Variants in AUTS2 observed in about 807,000 individuals in gnomAD.
The protein encoded by AUTS2 is autism susceptibility gene 2 protein.
AUTS2 carries 17 observed loss-of-function variants against 112.4 expected under a neutral mutation model. The ratio of observed to expected loss-of-function variants is 0.15; its 90% confidence interval spans 0.10 to 0.23. The LOEUF (loss-of-function observed/expected upper bound fraction) is 0.23, where lower values mean the gene tolerates loss of function less well. Ranked by LOEUF, AUTS2 falls within the 10% of genes least tolerant of loss-of-function variation. AUTS2 has a pLI of 1.00. For missense variants in AUTS2, 1,510 were observed against 1,701.6 expected (o/e 0.89, Z 1.98); for synonymous variants, 751 against 702.7 (o/e 1.07, Z -1.09).
chr7:70,380,082 TATTG>T (rs1793299631), intron 4 of AUTS2, among the ~76,000 whole-genome samples: 1 of 152,198 alleles, frequency 6.6e-6, no homozygotes, highest in African/African-American at 2.4e-5. Context: ...GATCAGTATA[TATTG>T]ATTATTTGAT....
intron 5 of AUTS2, among the ~76,000 whole-genome samples, chr7:70,441,397 T>A (rs1418504770): frequency 6.6e-6 from 1 of 152,170 alleles, no homozygotes; most frequent in Non-Finnish European, 1.5e-5. Flanking sequence ...ATTCCCTTTT[T>A]TGTTTAGAGA....
chr7:69,662,916 C>T (rs1395003135), intron 1 of AUTS2, among the ~76,000 whole-genome samples: 5 of 152,130 alleles, frequency 3.3e-5, no homozygotes, highest in Admixed American at 2.6e-4. Flanking sequence ...TTTAGCCAGC[C>T]CTCTTCTGTT....
intron 4 of AUTS2, among the ~76,000 whole-genome samples, chr7:70,347,499 T>A (rs1024956894): frequency 6.6e-6 from 1 of 152,164 alleles, no homozygotes; most frequent in Admixed American, 6.5e-5. Flanking sequence ...TTTTTCTTTC[T>A]CCTCTGGCTT....
At chr7:69,750,546 AGT>A (rs1562857750) in intron 1 of AUTS2, among the ~76,000 whole-genome samples, 1 of 151,640 alleles carries the variant, frequency 6.6e-6, no homozygotes, top group Non-Finnish European at 1.5e-5. Flanking sequence ...CCCAGGCTGG[AGT>A]GCAGTGGTGA....
At chr7:70,354,764 GC>G (rs1791917221) in intron 4 of AUTS2, among the ~76,000 whole-genome samples, 2 of 152,328 alleles carry the variant, frequency 1.3e-5, no homozygotes, top group South Asian at 2.1e-4. Context: ...CAATAAAATA[GC>G]GTAAAATGTC....
intron 6 of AUTS2, among the ~76,000 whole-genome samples, chr7:70,709,277 A>C (rs975322556): frequency 1.3e-5 from 2 of 152,114 alleles, no homozygotes; most frequent in South Asian, 4.1e-4. Flanking sequence ...GGGAAGCCCC[A>C]TGCCCAAGCC....
chr7:70,419,459 G>T (rs75118884), intron 4 of AUTS2, among the ~76,000 whole-genome samples: 1 of 151,852 alleles, frequency 6.6e-6, no homozygotes, highest in Admixed American at 6.6e-5. Flanking sequence ...GGAGTTTGCT[G>T]TAAGGTTAAA....
intron 2 of AUTS2, among the ~76,000 whole-genome samples, chr7:69,936,731 A>G (rs1209015110): frequency 6.6e-6 from 1 of 152,190 alleles, no homozygotes; most frequent in African/African-American, 2.4e-5. Flanking sequence ...GATTATATCC[A>G]TCAGTGAATG....
intron 2 of AUTS2, among the ~76,000 whole-genome samples, chr7:69,964,432 A>G (rs1197269068): frequency 1.3e-5 from 2 of 152,224 alleles, no homozygotes; most frequent in Non-Finnish European, 2.9e-5. Flanking sequence ...ATATAAACTC[A>G]TTAAAAAGCA....
chr7:70,029,559 G>T (rs929704237), intron 2 of AUTS2, among the ~76,000 whole-genome samples: 4 of 152,130 alleles, frequency 2.6e-5, no homozygotes, highest in Non-Finnish European at 5.9e-5. Context: ...TCTGTCCCAT[G>T]AATGTTCGTG....
chr7:70,443,628 T>C (rs1159949940), intron 5 of AUTS2, among the ~76,000 whole-genome samples: 1 of 152,224 alleles, frequency 6.6e-6, no homozygotes, highest in East Asian at 1.9e-4. Context: ...GTGTGTGTAC[T>C]CTCAAGCAAC....
chr7:70,365,412 C>T (rs930259470), intron 4 of AUTS2, among the ~76,000 whole-genome samples: 4 of 152,144 alleles, frequency 2.6e-5, no homozygotes, highest in African/African-American at 9.7e-5. Flanking sequence ...GAAACTTGTC[C>T]ATACATTTGC....
At chr7:69,799,291 GTCT>G (rs1789979280) in intron 1 of AUTS2, among the ~76,000 whole-genome samples, 1 of 152,102 alleles carries the variant, frequency 6.6e-6, no homozygotes, top group Non-Finnish European at 1.5e-5. Context: ...AGTCTACGTT[GTCT>G]TCATTTTTAT....
rs35215443 is a variant in AUTS2, at chr7:70,185,257, C to CTTTTTTTTTTTTT, written c.660+50701_660+50713dup. Among the ~76,000 whole-genome samples, 720 of 87,102 alleles carry CTTTTTTTTTTTTT rather than the reference C, an allele frequency of 8.3e-3. 36 individuals carry two copies. Among genetic ancestry groups the CTTTTTTTTTTTTT allele is most frequent in the Non-Finnish European group, 0.01 (463 of 45,874 alleles). The allele number at this position is 87,102 out of a possible 152,430, so 57.1% of individuals were successfully genotyped here. ...TGCTTTGGGCCTAAATGACATTAAA[C>CTTTTTTTTTTTTT]TTTTTTTTTTTTTTTTTTTTTTTTT... On this transcript the variant is annotated intron_variant, in intron 4 of 18. Transcript: ENST00000342771.
intron 4 of AUTS2, among the ~76,000 whole-genome samples, chr7:70,330,684 A>C (rs1044850505): frequency 2.0e-5 from 3 of 152,216 alleles, no homozygotes; most frequent in African/African-American, 7.2e-5. Context: ...ATTTTGATAG[A>C]GATTGCATTG....
At chr7:70,734,139 C>T (rs1447314824) in intron 6 of AUTS2, among the ~76,000 whole-genome samples, 1 of 151,958 alleles carries the variant, frequency 6.6e-6, no homozygotes, top group African/African-American at 2.4e-5. Context: ...CTCGTTTGTC[C>T]AGATACCATG....
At chr7:69,966,230 T>A (rs756874473) in intron 2 of AUTS2, among the ~76,000 whole-genome samples, 2 of 152,206 alleles carry the variant, frequency 1.3e-5, no homozygotes, top group Non-Finnish European at 2.9e-5. Context: ...ACATCTTCGA[T>A]GCTTCTGCAA....
intron 4 of AUTS2, among the ~76,000 whole-genome samples, chr7:70,321,292 T>C (rs371798426): frequency 4.3e-4 from 65 of 152,314 alleles, no homozygotes; most frequent in African/African-American, 1.5e-3. Flanking sequence ...TAATATAGAA[T>C]GTCCTTCGAA....
At chr7:70,246,105 C>G (rs1007739170) in intron 4 of AUTS2, among the ~76,000 whole-genome samples, 1 of 151,870 alleles carries the variant, frequency 6.6e-6, no homozygotes, top group African/African-American at 2.4e-5. Context: ...GATCACTATT[C>G]CTTTGTGAAT....
Sources: gnomAD v4.1 joint callset for allele counts (sites outside exome capture counted in the v4.1 genomes callset) on GRCh38, gnomAD v4.1.1 for gene constraint, MANE v1.5 for transcripts, NCBI Gene and HGNC (gene_info 2026-07-23, HGNC 2026-07-21) for gene names.